Variants in DNAH10 observed in about 807,000 individuals in gnomAD.
The protein encoded by DNAH10 is axonemal beta dynein heavy chain 10.
DNAH10 carries 348 observed loss-of-function variants against 506.6 expected under a neutral mutation model. The observed-to-expected ratio is 0.69, with a 90% CI of 0.63 to 0.75. The LOEUF (loss-of-function observed/expected upper bound fraction) is 0.75. DNAH10 is among the 30% of genes least tolerant of loss of function. DNAH10 has a pLI of 0.00. For synonymous variants in DNAH10, 2,059 were observed against 2,198.6 expected (o/e 0.94, Z 1.78); for missense variants, 5,179 against 5,787.1 (o/e 0.89, Z 3.41).
intron 56 of DNAH10, among the ~76,000 whole-genome samples, chr12:123,899,295 G>A (rs142622457): frequency 2.1e-3 from 321 of 152,190 alleles, no homozygotes; most frequent in African/African-American, 7.3e-3. Context: ...ACCCTCTCGC[G>A]ATGCCTGGCA....
At chr12:123,856,985 G>A (rs1951418165) in intron 36 of DNAH10, 71 bp from the exon 37 acceptor site, 1 of 1,268,352 alleles carries the variant, frequency 7.9e-7, no homozygotes, top group Admixed American at 2.4e-5. Context: ...TTACCACTGG[G>A]TTGGAAACAC....
chr12:123,811,153 GT>G (rs1958916193), intron 19 of DNAH10, among the ~76,000 whole-genome samples: 1 of 152,160 alleles, frequency 6.6e-6, no homozygotes, highest in Admixed American at 6.5e-5. Flanking sequence ...ATGAGCCAAA[GT>G]TTTAACTAGT....
rs747745750 is a variant in DNAH10 at position 123,928,402 on chromosome 12, C to T, written c.12121C>T (p.Leu4041=). Residue 4041 remains leucine (L), a synonymous_variant, in exon 70 of 79, where the codon CTG becomes TTG. Transcript: ENST00000673944. This position sits in a 1 kb window ranked among gnomAD's most constrained non-coding sequence, Gnocchi z 4.9. The part of the protein sequence containing the change: ...QGQEKVALQL[L]ETAVARGQWL... ...CCCGGCGCAGGTGGCCCTGCAGCTGCTGGAGACGGCGGTGGCTCGGGGGCA... is the reference window on the plus strand; with the variant it reads ...CCCGGCGCAGGTGGCCCTGCAGCTGTTGGAGACGGCGGTGGCTCGGGGGCA... 8 of 1,602,148 alleles carry T rather than the reference C, an allele frequency of 5.0e-6. No individual in the cohort carries two copies. The East Asian group carries it at 1.6e-4, about 32-fold the overall frequency.
At chr12:123,885,295 C>T (rs1952682237) in intron 51 of DNAH10, among the ~76,000 whole-genome samples, 1 of 152,166 alleles carries the variant, frequency 6.6e-6, no homozygotes, top group Admixed American at 6.5e-5. Flanking sequence ...TGCGTCTTTC[C>T]AAGTCAATAA....
chr12:123,841,789 GATT>G (rs1950784585), intron 30 of DNAH10, among the ~76,000 whole-genome samples: 1 of 152,170 alleles, frequency 6.6e-6, no homozygotes. Flanking sequence ...TGGTTCAAGA[GATT>G]CTCCCACCTC....
Position 123,841,456 on chromosome 12 carries a change from C to G in DNAH10, c.5271C>G (p.Asp1757Glu). The change falls in exon 30 of 79, where the codon GAC becomes GAG. Residue 1757 changes from aspartate to glutamate, a missense_variant. Asp to Glu is a conservative substitution (Grantham distance 45, BLOSUM62 2). This residue lies in a region of DNAH10 where 4,844 missense variants were observed against 5,430.5 expected (regional missense o/e 0.89). Transcript: ENST00000673944. ...KILRAEGRVE[D>E]WMTAVLNEMR... Reference sequence around the variant, plus strand: ...TGCGGGCTGAAGGGCGCGTGGAGGACTGGATGACGGCAGTTTTGAATGAGA... The same window carrying G: ...TGCGGGCTGAAGGGCGCGTGGAGGAGTGGATGACGGCAGTTTTGAATGAGA... 2 of 1,613,968 alleles carry G rather than the reference C, an allele frequency of 1.2e-6. No individual in the cohort carries two copies. The highest frequency in any genetic ancestry group is 1.3e-5 in the African/African-American group (1 of 75,016).
At chr12:123,877,395 TCCG>T (rs1278230540) in intron 47 of DNAH10, among the ~76,000 whole-genome samples, 4 of 152,156 alleles carry the variant, frequency 2.6e-5, no homozygotes, top group Non-Finnish European at 4.4e-5. Context: ...CACTGCAACC[TCCG>T]CCTCCTGGGT....
At chr12:123,779,287 C>T (rs1452240145) in intron 5 of DNAH10, among the ~76,000 whole-genome samples, 5 of 152,040 alleles carry the variant, frequency 3.3e-5, no homozygotes, top group Non-Finnish European at 5.9e-5. Context: ...GAGATTTTCC[C>T]GCCTTGGCCT....
chr12:123,778,861 C>T (rs931895367), intron 5 of DNAH10, among the ~76,000 whole-genome samples: 3 of 151,864 alleles, frequency 2.0e-5, no homozygotes, highest in Non-Finnish European at 2.9e-5. Context: ...TCTCAGCCTC[C>T]GGAGTAGCTG....
rs1418966510 is a variant in DNAH10 at position 123,909,062 on chromosome 12, G to A, written c.9816-199G>A. ...TCCAGGCGCCTGGTCTGGAACCTGA[G>A]AGGGGGACCCGGCCCTGCCCTTAGG... On this transcript the variant is annotated intron_variant, in intron 57 of 78. Transcript: ENST00000673944. This position sits in a 1 kb window ranked among gnomAD's most constrained non-coding sequence, Gnocchi z 5.4. Among the ~76,000 whole-genome samples the A allele has an allele frequency of 6.6e-6, 1 of 152,198 alleles. No individual in the cohort carries two copies. The highest frequency in any genetic ancestry group is 1.9e-4 in the East Asian group (1 of 5,200).
In DNAH10 at chr12:123,813,327, A is replaced by G. The variant is rs148503528; in HGVS notation, c.3308A>G (p.Asn1103Ser). The G allele has an allele frequency of 3.8e-3, 6,156 of 1,614,232 alleles. 38 individuals are homozygous for G. The highest frequency in any genetic ancestry group is 3.7e-3 in the Non-Finnish European group (4,368 of 1,180,042). ...IPQNVHRILI[N>S]LMKYLQKWKR... ...CAAAATGTCCACAGGATTCTGATCA[A>G]TCTTATGAAGTATCTACAAAAATGG... The change falls in exon 20 of 79, where the codon AAT becomes AGT. Residue 1103 changes from asparagine (N) to serine (S), a missense_variant. By Grantham distance (46) the Asn-to-Ser change is conservative. Transcript: ENST00000673944.
chr12:123,819,123 AT>A (rs766436548), intron 22 of DNAH10, 24 bp from the exon 23 acceptor site: 1 of 1,608,812 alleles, frequency 6.2e-7, no homozygotes, highest in South Asian at 1.1e-5. Context: ...TTTGGGCTAA[AT>A]TAATGTAACC....
At chr12:123,831,467 G>A (rs1960534531) in intron 26 of DNAH10, among the ~76,000 whole-genome samples, 2 of 152,186 alleles carry the variant, frequency 1.3e-5, no homozygotes, top group Non-Finnish European at 2.9e-5. Flanking sequence ...AACCTAGCTG[G>A]GATGACTACT....
intron 2 of DNAH10, among the ~76,000 whole-genome samples, chr12:123,771,150 A>G (rs539231429): frequency 6.6e-6 from 1 of 152,016 alleles, no homozygotes; most frequent in Non-Finnish European, 1.5e-5. Flanking sequence ...TTGTATTTTT[A>G]GTAGAGACAG....
At chr12:123,777,936 T>G (rs532897230) in intron 5 of DNAH10, among the ~76,000 whole-genome samples, 1 of 152,298 alleles carries the variant, frequency 6.6e-6, no homozygotes, top group East Asian at 1.9e-4. Flanking sequence ...ATGTTGGGAT[T>G]GCAGGCATGA....
At chr12:123,859,707 G>C (rs141179735) in intron 38 of DNAH10, among the ~76,000 whole-genome samples, 1 of 152,044 alleles carries the variant, frequency 6.6e-6, no homozygotes, top group East Asian at 1.9e-4. Flanking sequence ...AATTCTTCAC[G>C]AAGGAAAAAG....
intron 23 of DNAH10, among the ~76,000 whole-genome samples, chr12:123,819,590 A>C (rs1475904545): frequency 1.3e-5 from 2 of 151,770 alleles, no homozygotes; most frequent in Non-Finnish European, 2.9e-5. Flanking sequence ...TTATCCATCC[A>C]TCTGCCTCTC....
chr12:123,808,931 G>T lies in DNAH10; in HGVS notation c.3122G>T (p.Arg1041Leu), dbSNP rs547814454. The change falls in exon 19 of 79, where the codon CGG (arginine) becomes CTG (leucine). Residue 1041 changes from arginine (R) to leucine (L), a missense_variant. Transcript: ENST00000673944. ...EIDKMCFHCV[R>L]NCVEITKHFV... Reference sequence around the variant, plus strand: ...GACAAGATGTGCTTCCATTGTGTCCGGAATTGCGTGGAGATCACCAAGGTG... The same window carrying T: ...GACAAGATGTGCTTCCATTGTGTCCTGAATTGCGTGGAGATCACCAAGGTG... 53 of 1,614,014 alleles carry T rather than the reference G, an allele frequency of 3.3e-5. No homozygotes were observed. The South Asian group carries it at 5.7e-4, about 17-fold the overall frequency.
rs534949961 is a variant in DNAH10 at position 123,906,336 on chromosome 12, G to T, written c.9816-2925G>T. ...GGCTCACTGCAACCCCTGCCTTCCA[G>T]GTTCAAACGATTCTCCTGCCTCAGC... On this transcript the variant is annotated intron_variant, in intron 57 of 78. Coordinates refer to ENST00000673944, the MANE Select transcript of DNAH10 (RefSeq NM_001372106.1). 2.0e-4 allele frequency among the ~76,000 whole-genome samples: 30 copies of T among 152,144 alleles called. No homozygotes were observed. The East Asian group carries it at 4.8e-3, about 24-fold the overall frequency.
Sources: gnomAD v4.1 joint callset for allele counts (sites outside exome capture counted in the v4.1 genomes callset) on GRCh38, gnomAD v4.1.1 for gene constraint, gnomAD v4.1.1 regional missense constraint, Gnocchi (gnomAD v3.1) non-coding constraint, MANE v1.5 for transcripts, NCBI Gene and HGNC (gene_info 2026-07-23, HGNC 2026-07-21) for gene names.